Variants in ASB3 observed in about 807,000 individuals in gnomAD.
ASB3 encodes ankyrin repeat and SOCS box protein 3.
Under a neutral mutation model 54.5 loss-of-function variants are expected in ASB3, and 41 were observed. The observed-to-expected ratio is 0.75, with a 90% CI of 0.59 to 0.98. ASB3 has a LOEUF of 0.98. ASB3 is among the 50% of genes least tolerant of loss of function. The pLI is 0.00. For missense variants in ASB3, 733 were observed against 620.0 expected (o/e 1.18, Z -1.94); for synonymous variants, 266 against 221.2 (o/e 1.20, Z -1.80).
At chr2:53,751,903 G>A (rs531292512) in intron 2 of ASB3, among the ~76,000 whole-genome samples, 2 of 152,262 alleles carry the variant, frequency 1.3e-5, no homozygotes, top group South Asian at 2.1e-4. Context: ...ATTTTAAAAG[G>A]ACATATCACA....
At chr2:53,691,108 C>G (rs3770406) in intron 9 of ASB3, among the ~76,000 whole-genome samples, 93,472 of 152,062 alleles carry the variant, frequency 0.61, 30,669 homozygotes, top group East Asian at 0.86. Context: ...CAACCACTCA[C>G]TAAATTTTAC....
chr2:53,713,879 C>A (rs1345771291), intron 7 of ASB3, among the ~76,000 whole-genome samples: 1 of 151,978 alleles, frequency 6.6e-6, no homozygotes, highest in Non-Finnish European at 1.5e-5. Flanking sequence ...TGCCACTGCA[C>A]TCCAGCCCGG....
At chr2:53,702,736 A>C (rs942806381) in intron 7 of ASB3, among the ~76,000 whole-genome samples, 1 of 152,232 alleles carries the variant, frequency 6.6e-6, no homozygotes, top group Non-Finnish European at 1.5e-5. Flanking sequence ...GAAGTTCAAA[A>C]CTATGCAGAA....
intron 7 of ASB3, among the ~76,000 whole-genome samples, chr2:53,705,957 G>A (rs960604009): frequency 6.6e-6 from 1 of 152,110 alleles, no homozygotes; most frequent in Non-Finnish European, 1.5e-5. Flanking sequence ...TCCGGGCAAG[G>A]TGATCTGTAC....
chr2:53,718,958 G>A (rs1670548070), intron 5 of ASB3, among the ~76,000 whole-genome samples: 1 of 152,118 alleles, frequency 6.6e-6, no homozygotes, highest in Admixed American at 6.5e-5. Flanking sequence ...GTCTCGCCGT[G>A]TCGCCAGGCT....
chr2:53,768,214 C>A, intron 1 of ASB3: 1 of 619,888 alleles, frequency 1.6e-6, no homozygotes, highest in Non-Finnish European at 2.6e-6. Flanking sequence ...GCACTCCTTC[C>A]GAAGCTGCTT....
Position 53,768,085 on chromosome 2 carries a change from C to T in ASB3, c.-13-2500G>A, listed in dbSNP as rs1012519918. On this transcript the variant is annotated intron_variant, in intron 1 of 9. Transcript: ENST00000263634. Reference sequence around the variant, plus strand: ...GACCCCTGCTCCCCAACTCCACACACAGCACCCACACCCTAGAGAACCACA... The same window carrying T: ...GACCCCTGCTCCCCAACTCCACACATAGCACCCACACCCTAGAGAACCACA... 94 of 1,575,402 alleles carry T rather than the reference C, an allele frequency of 6.0e-5. 1 individual carries two copies. The East Asian group carries it at 1.4e-3, about 24-fold the overall frequency.
chr2:53,760,718 C>A (rs1459867622), intron 2 of ASB3, among the ~76,000 whole-genome samples: 3 of 152,138 alleles, frequency 2.0e-5, no homozygotes, highest in Non-Finnish European at 4.4e-5. Flanking sequence ...TTTACTAGAC[C>A]AGGCCTTTTC....
intron 3 of ASB3, among the ~76,000 whole-genome samples, chr2:53,747,609 T>G (rs1384336329): frequency 1.3e-5 from 2 of 152,212 alleles, no homozygotes; most frequent in Admixed American, 6.5e-5. Context: ...CTTCTCAGAA[T>G]CCTTCATTCT....
At chr2:53,743,313 C>A (rs932319761) in intron 3 of ASB3, among the ~76,000 whole-genome samples, 1 of 151,858 alleles carries the variant, frequency 6.6e-6, no homozygotes, top group East Asian at 1.9e-4. Flanking sequence ...CCAAATTATT[C>A]AATTTTGAAC....
At position 53,765,483 on chromosome 2, in the gene ASB3, G is replaced by A. The variant is rs758055215; in HGVS notation, c.90C>T (p.Leu30=). 6.2e-7 allele frequency: 1 copy of A among 1,614,158 alleles called. No homozygotes were observed. The highest frequency in any genetic ancestry group is 1.1e-5 in the South Asian group (1 of 91,072). The change falls in exon 2 of 10, where the codon CTC becomes CTT. Residue 30 remains leucine, a synonymous_variant. Transcript: ENST00000263634. ...EGNVKVLRKL[L]KKGRSVDVAD... ...CAACATCGACACTTCGGCCCTTTTT[G>A]AGCAGTTTCCTTAAGACTTTAACAT...
chr2:53,674,112 T>C (rs1667959888), intron 9 of ASB3, among the ~76,000 whole-genome samples: 1 of 152,242 alleles, frequency 6.6e-6, no homozygotes, highest in Non-Finnish European at 1.5e-5. Context: ...AAGCCATGCC[T>C]TGAATTTATA....
intron 3 of ASB3, among the ~76,000 whole-genome samples, chr2:53,733,872 A>G (rs1671466255): frequency 6.6e-6 from 1 of 152,242 alleles, no homozygotes; most frequent in Non-Finnish European, 1.5e-5. Context: ...ATTTATTAAG[A>G]TCAAGCCAGT....
chr2:53,753,647 T>TG (rs1672653671), intron 2 of ASB3, among the ~76,000 whole-genome samples: 2 of 146,450 alleles, frequency 1.4e-5, no homozygotes, highest in Admixed American at 1.4e-4. Context: ...TCTCTCTTTC[T>TG]TTCTGTTTTT....
intron 3 of ASB3, among the ~76,000 whole-genome samples, chr2:53,730,323 G>A (rs1671232600): frequency 6.6e-6 from 1 of 152,172 alleles, no homozygotes; most frequent in Non-Finnish European, 1.5e-5. Context: ...GTTGTTAGGT[G>A]TGAGGCTACT....
chr2:53,728,899 G>A (rs1671149362), intron 4 of ASB3, 52 bp from the exon 5 acceptor site: 2 of 1,503,656 alleles, frequency 1.3e-6, no homozygotes, highest in African/African-American at 1.4e-5. Flanking sequence ...AAAATAGAAG[G>A]TATCTTTCTT....
intron 5 of ASB3, among the ~76,000 whole-genome samples, chr2:53,726,028 A>C (rs1240432695): frequency 6.6e-6 from 1 of 152,182 alleles, no homozygotes; most frequent in Non-Finnish European, 1.5e-5. Flanking sequence ...AAAAAGTTGG[A>C]AAAATTACAG....
rs746168386 is a variant in ASB3 at position 53,716,537 on chromosome 2, C to G, written c.782+29G>C. ...CTTTATTAGCTTTTGATTAAGAGAC[C>G]ATGTTTATTTTCTGTTTTTAACACT... is the stretch of plus-strand genomic sequence containing the variant. On this transcript the variant is annotated intron_variant, in intron 6 of 9. Coordinates refer to ENST00000263634, the MANE Select transcript of ASB3 (RefSeq NM_016115.5). 1.3e-5 allele frequency: 21 copies of G among 1,596,960 alleles called. No individual in the cohort carries two copies. The Admixed American group carries it at 3.1e-4, about 23-fold the overall frequency.
intron 7 of ASB3, among the ~76,000 whole-genome samples, chr2:53,713,622 A>C (rs570922052): frequency 3.3e-5 from 5 of 152,352 alleles, no homozygotes; most frequent in Admixed American, 3.3e-4. Flanking sequence ...ACATCCAAAA[A>C]TAATATAAAG....
Sources: gnomAD v4.1 joint callset for allele counts (sites outside exome capture counted in the v4.1 genomes callset) on GRCh38, gnomAD v4.1.1 for gene constraint, MANE v1.5 for transcripts, NCBI Gene and HGNC (gene_info 2026-07-23, HGNC 2026-07-21) for gene names.